Variants in ITGA11 observed in about 807,000 individuals in gnomAD.
The protein encoded by ITGA11 is integrin subunit alpha 11, also known as integrin alpha-11.
ITGA11 carries 97 observed loss-of-function variants against 141.9 expected under a neutral mutation model. The observed-to-expected ratio is 0.68, with a 90% CI of 0.58 to 0.81. The LOEUF (loss-of-function observed/expected upper bound fraction) is 0.81, where lower values mean the gene tolerates loss of function less well. ITGA11 is among the 30% of genes least tolerant of loss of function. The pLI is 0.00. For synonymous variants in ITGA11, 658 were observed against 624.6 expected (o/e 1.05, Z -0.80); for missense variants, 1,387 against 1,559.2 (o/e 0.89, Z 1.86).
intron 1 of ITGA11, among the ~76,000 whole-genome samples, chr15:68,407,773 G>A (rs181969813): frequency 6.6e-6 from 1 of 152,270 alleles, no homozygotes; most frequent in African/African-American, 2.4e-5. Context: ...AAGAAGGGAC[G>A]GAAACCACAG....
chr15:68,429,877 T>G (rs1297158228), intron 1 of ITGA11, among the ~76,000 whole-genome samples: 2 of 152,188 alleles, frequency 1.3e-5, no homozygotes, highest in Non-Finnish European at 2.9e-5. Flanking sequence ...TCAAATGATA[T>G]CTCCTCCTCC....
chr15:68,430,823 A>G (rs1077730), intron 1 of ITGA11, among the ~76,000 whole-genome samples: 6,044 of 152,258 alleles, frequency 0.04, 394 homozygotes, highest in African/African-American at 0.13. Context: ...CCTTTCAACC[A>G]TGGGCCCTCT....
chr15:68,421,598 C>T (rs1450105427), intron 1 of ITGA11, among the ~76,000 whole-genome samples: 1 of 151,700 alleles, frequency 6.6e-6, no homozygotes, highest in Non-Finnish European at 1.5e-5. Flanking sequence ...TCCCCTGACC[C>T]CTCGTGTAAC....
chr15:68,385,529 AATGCAAATT>A (rs1278246201), intron 2 of ITGA11, among the ~76,000 whole-genome samples: 2 of 152,204 alleles, frequency 1.3e-5, no homozygotes, highest in African/African-American at 4.8e-5. Flanking sequence ...CCCTAGTGAA[AATGCAAATT>A]TGTTATCTGG....
chr15:68,331,593 C>T (rs1199293161), intron 14 of ITGA11, among the ~76,000 whole-genome samples: 1 of 150,078 alleles, frequency 6.7e-6, no homozygotes, highest in African/African-American at 2.5e-5. Flanking sequence ...GGGTCAGGTG[C>T]CAGGGACTTC....
At chr15:68,419,742 T>C (rs1161718463) in intron 1 of ITGA11, among the ~76,000 whole-genome samples, 1 of 152,240 alleles carries the variant, frequency 6.6e-6, no homozygotes, top group Non-Finnish European at 1.5e-5. Context: ...AGGTTTGGAT[T>C]CTGGCTCTCT....
intron 6 of ITGA11, 88 bp downstream of exon 6, chr15:68,358,370 G>T: frequency 7.1e-7 from 1 of 1,413,174 alleles, no homozygotes; most frequent in Non-Finnish European, 9.4e-7. Flanking sequence ...CTTCGTGCAT[G>T]CAAAGATCTC....
intron 1 of ITGA11, among the ~76,000 whole-genome samples, chr15:68,422,621 A>T (rs1208025152): frequency 6.6e-6 from 1 of 152,012 alleles, no homozygotes. Flanking sequence ...CATGGCTCCC[A>T]TCTGCTAAAT....
intron 2 of ITGA11, 70 bp from the exon 3 acceptor site, chr15:68,369,354 G>T: frequency 2.1e-6 from 2 of 938,586 alleles, no homozygotes; most frequent in Non-Finnish European, 3.4e-6. Context: ...ATGGAGCCTG[G>T]TGGGCAGTGT....
intron 1 of ITGA11, among the ~76,000 whole-genome samples, chr15:68,405,149 C>T (rs1896614939): frequency 7.3e-6 from 1 of 136,264 alleles, no homozygotes; most frequent in African/African-American, 2.8e-5. Flanking sequence ...TTATTTTTCC[C>T]ACTGTCTCCC....
At chr15:68,428,524 A>C (rs765220945) in intron 1 of ITGA11, among the ~76,000 whole-genome samples, 1 of 152,152 alleles carries the variant, frequency 6.6e-6, no homozygotes, top group Non-Finnish European at 1.5e-5. Flanking sequence ...GTGAGACTCC[A>C]GGGTCTGCTT....
chr15:68,372,446 A>C (rs1209929704), intron 2 of ITGA11, among the ~76,000 whole-genome samples: 1 of 152,024 alleles, frequency 6.6e-6, no homozygotes, highest in African/African-American at 2.4e-5. Flanking sequence ...AGCAAACCCC[A>C]AAGGTCGTGG....
Position 68,328,380 on chromosome 15 carries a change from GAGGTGGAGGATGGAGGGGGC to G in ITGA11, c.1902-138_1902-119del. ...GATCTGCAAAGCCACTGGAGGGGGTGAGGTGGAGGATGGAGGGGGCGAGGTGGAGGATGGAGGGGGCTTCG... is the reference window on the plus strand; with the variant it reads ...GATCTGCAAAGCCACTGGAGGGGGTGGAGGTGGAGGATGGAGGGGGCTTCG... On this transcript the variant is annotated intron_variant, in intron 15 of 29. Coordinates refer to ENST00000315757, the MANE Select transcript of ITGA11 (RefSeq NM_001004439.2). The surrounding 1 kb of genome is among the most constrained non-coding windows in gnomAD (Gnocchi z 4.8). The G allele has an allele frequency of 3.8e-6, 3 of 790,196 alleles. No individual in the cohort carries two copies. The highest frequency in any genetic ancestry group is 3.0e-5 in the East Asian group (1 of 32,910). 48.9% of individuals were successfully genotyped at this position (790,196 alleles called of 1,614,324 possible). A position where few individuals can be genotyped will look rare whatever the true frequency, so the allele number is the denominator to read the frequency against.
At chr15:68,348,734 G>T in intron 10 of ITGA11, 96 bp downstream of exon 10, 1 of 1,080,074 alleles carries the variant, frequency 9.3e-7, no homozygotes, top group Non-Finnish European at 1.4e-6. Flanking sequence ...CAACCCATCT[G>T]TGAAGGTGGA....
In ITGA11 at chr15:68,312,825, C is replaced by T; in HGVS notation, c.2921G>A (p.Ser974Asn). 5 of 1,613,822 alleles carry T rather than the reference C, an allele frequency of 3.1e-6. No homozygotes were observed. In the African/African-American group the frequency reaches 4.0e-5, roughly 13 times the overall value. ...GATACCATCGTATCTCTCCAGCGAGCTGTTGGGCTTGACCTCGTAGTGGCT... is the reference window on the plus strand; with the variant it reads ...GATACCATCGTATCTCTCCAGCGAGTTGTTGGGCTTGACCTCGTAGTGGCT... ...SLSHYEVKPNSSLERYDGIGP... is the reference protein window; with the variant it reads ...SLSHYEVKPNNSLERYDGIGP... The change falls in exon 24 of 30, where the codon AGC becomes AAC. Residue 974 changes from serine to asparagine, a missense_variant. By Grantham distance (46) the Ser-to-Asn change is conservative. Coordinates refer to ENST00000315757, the MANE Select transcript of ITGA11 (RefSeq NM_001004439.2).
chr15:68,349,609 C>G (rs759321070), intron 9 of ITGA11, among the ~76,000 whole-genome samples: 4 of 152,200 alleles, frequency 2.6e-5, no homozygotes, highest in Non-Finnish European at 4.4e-5. Flanking sequence ...TGTGGCTTGT[C>G]ATTTCCAATG....
At chr15:68,348,224 C>T (rs1894799385) in intron 10 of ITGA11, among the ~76,000 whole-genome samples, 1 of 152,194 alleles carries the variant, frequency 6.6e-6, no homozygotes, top group Non-Finnish European at 1.5e-5. Context: ...CCACACCCCT[C>T]CCTCTGTGGG....
At chr15:68,412,668 C>CTTTTTTTT (rs71145169) in intron 1 of ITGA11, among the ~76,000 whole-genome samples, 10 of 59,248 alleles carry the variant, frequency 1.7e-4, no homozygotes, top group Non-Finnish European at 2.4e-4. Context: ...AACTTATTCG[C>CTTTTTTTT]TTTTTTTTTT....
chr15:68,375,180 C>T (rs1271342643), intron 2 of ITGA11, among the ~76,000 whole-genome samples: 2 of 152,232 alleles, frequency 1.3e-5, no homozygotes, highest in Non-Finnish European at 1.5e-5. Context: ...CCCTTCCTCA[C>T]CTGTTCCTTT....
Sources: allele counts gnomAD v4.1 joint callset (sites outside exome capture counted in the v4.1 genomes callset), GRCh38; gene constraint gnomAD v4.1.1; non-coding constraint Gnocchi (gnomAD v3.1); transcripts MANE v1.5; gene names NCBI Gene and HGNC (gene_info 2026-07-23, HGNC 2026-07-21).